Variants in UFL1 observed in about 807,000 individuals in gnomAD.
The protein encoded by UFL1 is E3 UFM1-protein ligase 1.
Under a neutral mutation model 99.3 loss-of-function variants are expected in UFL1, and 78 were observed. The observed-to-expected ratio is 0.79, with a 90% CI of 0.65 to 0.95. UFL1 has a LOEUF of 0.95. Ranked by LOEUF, UFL1 falls within the 40% of genes least tolerant of loss-of-function variation. UFL1 has a pLI of 0.00. For missense variants in UFL1, 936 were observed against 937.0 expected, an observed-to-expected ratio of 1.00 and a Z score of 0.01; for synonymous variants, 335 against 322.2, an observed-to-expected ratio of 1.04 and a Z score of -0.42.
chr6:96,542,526 G>A (rs1309220673), intron 11 of UFL1, among the ~76,000 whole-genome samples: 2 of 151,278 alleles, frequency 1.3e-5, no homozygotes, highest in Admixed American at 6.6e-5. Context: ...TAACACAGAT[G>A]AGCAAAGGAG....
In UFL1 at chr6:96,549,460, T is replaced by A. The variant is rs753593997; in HGVS notation, c.1569T>A (p.Ser523=). Residue 523 remains serine (S), a synonymous_variant, in exon 14 of 19, where the codon TCT becomes TCA. Transcript: ENST00000369278. ...AGGTGGTACGTTCAGTATTCATGTC[T>A]TCAACAACTTCTGCTTCTGGGACGG... ...YLEVVRSVFM[S]STTSASGTGR... is the part of the protein sequence containing the mutation. The A allele has an allele frequency of 1.3e-6, 2 of 1,598,036 alleles. No individual in the cohort carries two copies. The highest frequency in any genetic ancestry group is 2.3e-5 in the South Asian group (2 of 86,976).
chr6:96,525,782 C>G (rs930887136), intron 4 of UFL1, among the ~76,000 whole-genome samples: 4 of 151,240 alleles, frequency 2.6e-5, no homozygotes, highest in Non-Finnish European at 5.9e-5. Flanking sequence ...GTAACTTTTA[C>G]GTTCCTTCCC....
intron 18 of UFL1, 94 bp from the exon 19 acceptor site, chr6:96,553,190 AG>A: frequency 6.8e-6 from 8 of 1,168,180 alleles, no homozygotes; most frequent in Non-Finnish European, 9.6e-6. Flanking sequence ...TGTAAAGATG[AG>A]GACCTTCAAT....
intron 11 of UFL1, 65 bp from the exon 12 acceptor site, chr6:96,542,829 T>G (rs1769949439): frequency 2.1e-6 from 3 of 1,412,020 alleles, no homozygotes. Flanking sequence ...AACAATATAG[T>G]GTCATTATTT....
At chr6:96,547,403 A>C (rs1770015991) in intron 12 of UFL1, among the ~76,000 whole-genome samples, 1 of 151,730 alleles carries the variant, frequency 6.6e-6, no homozygotes, top group Non-Finnish European at 1.5e-5. Context: ...TATGGAAAAC[A>C]GTATGGAGAT....
At chr6:96,550,689 A>G (rs1770065622) in intron 15 of UFL1, among the ~76,000 whole-genome samples, 1 of 152,018 alleles carries the variant, frequency 6.6e-6, no homozygotes, top group Non-Finnish European at 1.5e-5. Flanking sequence ...CTGCTTAAGA[A>G]GCAAATCCCC....
At chr6:96,546,417 A>G (rs1769999126) in intron 12 of UFL1, among the ~76,000 whole-genome samples, 2 of 151,550 alleles carry the variant, frequency 1.3e-5, no homozygotes, top group South Asian at 4.1e-4. Flanking sequence ...AGAAGAATCA[A>G]TATTGTTAAA....
chr6:96,522,511 C>T (rs1490768414), intron 1 of UFL1, among the ~76,000 whole-genome samples: 2 of 152,162 alleles, frequency 1.3e-5, no homozygotes, highest in Non-Finnish European at 2.9e-5. Context: ...CCAGAGGAGC[C>T]TAACTCTGCT....
At chr6:96,536,448 A>C in intron 8 of UFL1, 58 bp downstream of exon 8, 1 of 1,421,266 alleles carries the variant, frequency 7.0e-7, no homozygotes, top group Non-Finnish European at 9.7e-7. Flanking sequence ...CTCATTCTTT[A>C]AAAGTATTAT....
At chr6:96,549,908 G>A (rs1341140074) in intron 15 of UFL1, 109 bp downstream of exon 15, 2 of 1,452,056 alleles carry the variant, frequency 1.4e-6, no homozygotes, top group East Asian at 2.3e-5. Flanking sequence ...AGTGAAAGAG[G>A]TTTGAGGAAA....
chr6:96,539,433 G>A (rs1328856890), intron 10 of UFL1, among the ~76,000 whole-genome samples: 3 of 151,474 alleles, frequency 2.0e-5, no homozygotes, highest in African/African-American at 7.3e-5. Context: ...ATAAATTCAT[G>A]AGGGCTTATT....
intron 9 of UFL1, 114 bp from the exon 10 acceptor site, chr6:96,538,517 A>G (rs1304599330): frequency 2.2e-5 from 21 of 969,896 alleles, no homozygotes; most frequent in South Asian, 1.1e-4. Context: ...ATATGGTTCC[A>G]AAAGCCACTG....
In UFL1 at chr6:96,521,947, A is replaced by G. The variant is rs776268284; in HGVS notation, c.74A>G (p.Gln25Arg). The change falls in exon 1 of 19, where the codon CAG becomes CGG. Residue 25 changes from glutamine to arginine, a missense_variant. Gln to Arg is a conservative substitution (Grantham distance 43, BLOSUM62 1). Transcript: ENST00000369278. ...FQRAQFAEAT[Q>R]RLSERNCIEI... Reference sequence around the variant, plus strand: ...CGGGCGCAGTTCGCCGAGGCCACGCAGAGGTGCCCGACCCTCCCTCTCCTT... The same window carrying G: ...CGGGCGCAGTTCGCCGAGGCCACGCGGAGGTGCCCGACCCTCCCTCTCCTT... The G allele has an allele frequency of 4.3e-6, 7 of 1,611,598 alleles. No homozygotes were observed. In the East Asian group the frequency reaches 1.6e-4, roughly 36 times the overall value.
At chr6:96,533,299 C>T (rs1426388722) in intron 6 of UFL1, among the ~76,000 whole-genome samples, 1 of 151,782 alleles carries the variant, frequency 6.6e-6, no homozygotes, top group African/African-American at 2.4e-5. Flanking sequence ...AAGTCAAAAA[C>T]ATAAATGTTC....
intron 3 of UFL1, among the ~76,000 whole-genome samples, chr6:96,525,095 G>A (rs926898047): frequency 1.3e-5 from 2 of 149,492 alleles, no homozygotes; most frequent in African/African-American, 4.9e-5. Flanking sequence ...TGAGATGGGA[G>A]TCTCCCTATG....
At chr6:96,540,729 T>C (rs1467235261) in intron 11 of UFL1, 74 bp downstream of exon 11, 9 of 1,515,692 alleles carry the variant, frequency 5.9e-6, no homozygotes, top group Non-Finnish European at 7.1e-6. Flanking sequence ...TCACATTTAT[T>C]ATGCCCTTTG....
chr6:96,523,464 G>T (rs544356705), intron 2 of UFL1, among the ~76,000 whole-genome samples, 173 bp downstream of exon 2: 2 of 152,182 alleles, frequency 1.3e-5, no homozygotes, highest in East Asian at 1.9e-4. Context: ...TGCAAACATG[G>T]TCATATAATT....
At chr6:96,525,181 C>T in intron 3 of UFL1, 116 bp from the exon 4 acceptor site, 1 of 741,070 alleles carries the variant, frequency 1.3e-6, no homozygotes, top group Non-Finnish European at 2.2e-6. Flanking sequence ...GGAATCCAGG[C>T]ATGAGCCACC....
At position 96,521,926 on chromosome 6, in the gene UFL1, C is replaced by T. The variant is rs1353607061; in HGVS notation, c.53C>T (p.Ala18Val). 2.5e-6 allele frequency: 4 copies of T among 1,612,494 alleles called. No individual in the cohort carries two copies. Among genetic ancestry groups the T allele is most frequent in the Non-Finnish European group, 2.5e-6 (3 of 1,179,536 alleles). Residue 18 changes from alanine (A) to valine (V), a missense_variant, in exon 1 of 19, where the codon GCG (alanine) becomes GTG (valine). Ala to Val is a moderately conservative substitution (Grantham distance 64). Coordinates refer to ENST00000369278, the MANE Select transcript of UFL1 (RefSeq NM_015323.5). ...CGGTTGGCGGCCGACTTCCAGCGGG[C>T]GCAGTTCGCCGAGGCCACGCAGAGG... ...IRRLAADFQR[A>V]QFAEATQRLS...
Sources: gnomAD v4.1 joint callset for allele counts (sites outside exome capture counted in the v4.1 genomes callset) on GRCh38, gnomAD v4.1.1 for gene constraint, MANE v1.5 for transcripts, NCBI Gene and HGNC (gene_info 2026-07-23, HGNC 2026-07-21) for gene names.